The following TECPR2 variants were observed in gnomAD, a reference collection of about 807,000 sequenced individuals.
TECPR2 encodes tectonin beta-propeller repeat-containing protein 2.
In TECPR2, 65 loss-of-function variants were observed where a neutral mutation model predicts 138.1. The ratio of observed to expected loss-of-function variants is 0.47; its 90% CI spans 0.39 to 0.58. The LOEUF is 0.58. Among genes scored for constraint, TECPR2 ranks in the 20% least tolerant of loss-of-function variants. The probability of loss-of-function intolerance (pLI) is 0.00; values close to 1 mark genes in which losing one functional copy is unlikely to be tolerated. For missense variants in TECPR2, 1,553 were observed against 1,824.5 expected (o/e 0.85, Z 2.71); for synonymous variants, 746 against 749.8 (o/e 0.99, Z 0.08).
chr14:102,452,570 C>T lies in TECPR2; in HGVS notation c.3583C>T (p.Leu1195Phe), dbSNP rs749393278. The change falls in exon 16 of 20, where the codon CTC (leucine) becomes TTC (phenylalanine). Residue 1195 changes from leucine to phenylalanine, a missense_variant. Physicochemically the swap from Leu to Phe is conservative, Grantham distance 22. Coordinates refer to ENST00000359520, the MANE Select transcript of TECPR2 (RefSeq NM_014844.5). ...CCTCGGCCAGGTGTTCATCAGGACG[C>T]TCTCCAAGAGCTGCCCCACGGGCAT... ...DSLGQVFIRTLSKSCPTGMHW... is the reference protein window; with the variant it reads ...DSLGQVFIRTFSKSCPTGMHW... 1.9e-6 allele frequency: 3 copies of T among 1,609,728 alleles called. No individual in the cohort carries two copies. The highest frequency in any genetic ancestry group is 2.7e-5 in the African/African-American group (2 of 75,040).
At chr14:102,418,833 C>T (rs538373302) in intron 5 of TECPR2, among the ~76,000 whole-genome samples, 18 of 152,246 alleles carry the variant, frequency 1.2e-4, no homozygotes, top group African/African-American at 3.9e-4. Flanking sequence ...AGATTTGCTG[C>T]CACGTTGGTT....
At position 102,419,741 on chromosome 14, in the gene TECPR2, A is replaced by G. The variant is rs950278153; in HGVS notation, c.638+4948A>G. On this transcript the variant is annotated intron_variant, in intron 5 of 19. Coordinates refer to ENST00000359520, the MANE Select transcript of TECPR2 (RefSeq NM_014844.5). This position sits in a 1 kb window ranked among gnomAD's most constrained non-coding sequence, Gnocchi z 4.8. ...ACCTCAGAGGCCCTAGCCATCTGCA[A>G]CCGTGGGTTTGCTGTCCTGTGTATT... is the stretch of plus-strand genomic sequence containing the variant. Among the ~76,000 whole-genome samples the G allele has an allele frequency of 5.3e-5, 8 of 152,156 alleles. No individual in the cohort carries two copies. The highest frequency in any genetic ancestry group is 1.0e-4 in the Non-Finnish European group (7 of 68,020).
At chr14:102,485,932 C>T (rs1466745371) in intron 17 of TECPR2, among the ~76,000 whole-genome samples, 2 of 152,192 alleles carry the variant, frequency 1.3e-5, no homozygotes, top group Admixed American at 6.5e-5. Context: ...ATGGCGCAGT[C>T]GTTGGGCTGG....
chr14:102,416,183 G>A (rs978570590), intron 5 of TECPR2, among the ~76,000 whole-genome samples: 2 of 151,950 alleles, frequency 1.3e-5, no homozygotes, highest in African/African-American at 2.4e-5. Context: ...GTGCAGTGGT[G>A]CGATCTTGGC....
intron 1 of TECPR2, among the ~76,000 whole-genome samples, chr14:102,368,171 C>T (rs1464597947): frequency 1.3e-5 from 2 of 151,620 alleles, no homozygotes; most frequent in Non-Finnish European, 2.9e-5. Context: ...ACTATGCCCA[C>T]CTAATTTTTG....
At chr14:102,456,629 G>A (rs1456670590) in intron 16 of TECPR2, among the ~76,000 whole-genome samples, 1 of 144,182 alleles carries the variant, frequency 6.9e-6, no homozygotes, top group African/African-American at 2.6e-5. Flanking sequence ...TCGCTCTGTT[G>A]CCCAGGCTGG....
intron 6 of TECPR2, among the ~76,000 whole-genome samples, chr14:102,425,883 G>GT (rs71470206): frequency 0.05 from 5,708 of 113,538 alleles, 162 homozygotes; most frequent in Non-Finnish European, 0.074. Flanking sequence ...TTTTTTTTTT[G>GT]TTTTTTTTTT....
At chr14:102,488,881 C>CT (rs921563756) in intron 17 of TECPR2, among the ~76,000 whole-genome samples, 19 of 148,350 alleles carry the variant, frequency 1.3e-4, no homozygotes, top group East Asian at 9.9e-4. Flanking sequence ...CCAGAACATT[C>CT]TTTTTTTTTT....
chr14:102,443,393 G>A lies in TECPR2; in HGVS notation c.2753-254G>A, dbSNP rs187376370. ...CGGCCGGACAGGGCAGCTCCTGCCT[G>A]TAATCCCAGCACTTTGGGAGGCTGA... On this transcript the variant is annotated intron_variant, in intron 11 of 19. Transcript: ENST00000359520. This position sits in a 1 kb window ranked among gnomAD's most constrained non-coding sequence, Gnocchi z 4.9. Among the ~76,000 whole-genome samples, 413 of 152,272 alleles carry A rather than the reference G, an allele frequency of 2.7e-3. 5 individuals are homozygous for A. The highest frequency in any genetic ancestry group is 6.0e-4 in the Non-Finnish European group (41 of 68,026).
chr14:102,498,262 GC>G lies in TECPR2; in HGVS notation c.*8del, dbSNP rs1567366838. 6.3e-7 allele frequency: 1 copy of G among 1,598,780 alleles called. No individual in the cohort carries two copies. Among genetic ancestry groups the G allele is most frequent in the East Asian group, 2.2e-5 (1 of 44,822 alleles). On this transcript the variant is annotated 3_prime_UTR_variant, in exon 20 of 20. Coordinates refer to ENST00000359520, the MANE Select transcript of TECPR2 (RefSeq NM_014844.5). Reference sequence around the variant, plus strand: ...GACGAGTGGGAGGTCATCTGAAGGAGCCCTGGCCGAGTCACGCGGAGGGGCC... The same window carrying G: ...GACGAGTGGGAGGTCATCTGAAGGAGCCTGGCCGAGTCACGCGGAGGGGCC...
At chr14:102,417,748 G>A (rs964866958) in intron 5 of TECPR2, among the ~76,000 whole-genome samples, 25 of 145,356 alleles carry the variant, frequency 1.7e-4, no homozygotes, top group Non-Finnish European at 3.0e-4. Flanking sequence ...CAGGGGAGCC[G>A]TGGGGAGGCT....
chr14:102,403,804 A>G (rs955998573), intron 2 of TECPR2, among the ~76,000 whole-genome samples: 3 of 152,226 alleles, frequency 2.0e-5, no homozygotes, highest in Admixed American at 6.5e-5. Context: ...GAGGTGAAAG[A>G]CTCATACAAT....
At chr14:102,447,123 C>G (rs1028473631) in intron 13 of TECPR2, among the ~76,000 whole-genome samples, 9 of 152,198 alleles carry the variant, frequency 5.9e-5, no homozygotes, top group African/African-American at 2.2e-4. Context: ...TTGGTCCCAG[C>G]AAGAGCGCCT....
chr14:102,432,164 TAC>T, intron 8 of TECPR2, 36 bp downstream of exon 8: 3 of 1,463,744 alleles, frequency 2.0e-6, no homozygotes, highest in Non-Finnish European at 2.7e-6. Context: ...CATCTGGGGT[TAC>T]AGTCTTTCCA....
chr14:102,365,629 C>T (rs1284861649), intron 1 of TECPR2, among the ~76,000 whole-genome samples: 1 of 152,190 alleles, frequency 6.6e-6, no homozygotes, highest in East Asian at 1.9e-4. Flanking sequence ...CAAAATACCA[C>T]ATATTATATG....
At position 102,465,203 on chromosome 14, in the gene TECPR2, G is replaced by A. The variant is rs1595140094; in HGVS notation, c.3703G>A (p.Gly1235Ser). 3 of 1,614,192 alleles carry A rather than the reference G, an allele frequency of 1.9e-6. No homozygotes were observed. The East Asian group carries it at 6.7e-5, about 36-fold the overall frequency. Reference sequence around the variant, plus strand: ...GCACATCTGGGCCTGTGATTCCAGGGGTGGAGTTTACTTCCGTGTAGGGAC... The same window carrying A: ...GCACATCTGGGCCTGTGATTCCAGGAGTGGAGTTTACTTCCGTGTAGGGAC... ...NQHIWACDSRGGVYFRVGTQP... is the reference protein window; with the variant it reads ...NQHIWACDSRSGVYFRVGTQP... Residue 1235 changes from glycine to serine, a missense_variant, in exon 17 of 20, where the codon GGT becomes AGT. Coordinates refer to ENST00000359520, the MANE Select transcript of TECPR2 (RefSeq NM_014844.5).
At chr14:102,376,539 A>C (rs1408583926) in intron 1 of TECPR2, 111 bp from the exon 2 acceptor site, 4 of 604,314 alleles carry the variant, frequency 6.6e-6, no homozygotes, top group Non-Finnish European at 1.2e-5. Context: ...CTGTTTATTT[A>C]AGCTCCAGCT....
chr14:102,479,364 G>T (rs1461235621), intron 17 of TECPR2, among the ~76,000 whole-genome samples: 7 of 152,166 alleles, frequency 4.6e-5, no homozygotes, highest in Non-Finnish European at 1.0e-4. Context: ...CTAGGCTCCT[G>T]GCAGTGAACC....
intron 1 of TECPR2, among the ~76,000 whole-genome samples, chr14:102,369,976 A>G (rs1361801044): frequency 1.3e-5 from 2 of 151,968 alleles, no homozygotes; most frequent in African/African-American, 2.4e-5. Context: ...TAAACAAACA[A>G]GCAAACAAAC....
Sources: allele counts gnomAD v4.1 joint callset (sites outside exome capture counted in the v4.1 genomes callset), GRCh38; gene constraint gnomAD v4.1.1; non-coding constraint Gnocchi (gnomAD v3.1); transcripts MANE v1.5; gene names NCBI Gene and HGNC (gene_info 2026-07-23, HGNC 2026-07-21).